HEMK2: variants seen among roughly 807,000 people sequenced by gnomAD.
HEMK2 encodes the protein HemK methyltransferase 2, ETF1 glutamine and histone H4 lysine.
chr21:28,876,611 G>T, the HEMK2 span: 2 of 579,776 alleles, frequency 3.4e-6, no homozygotes, highest in Non-Finnish European at 5.7e-6. Flanking sequence ...ACAAAACAAT[G>T]TATATCAAAT....
chr21:28,864,910 T>TTA, the HEMK2 span, among the ~76,000 whole-genome samples: 10 of 22,748 alleles, frequency 4.4e-4, no homozygotes, highest in African/African-American at 1.4e-3. Context: ...TATAGATAGA[T>TTA]GATATAGATA....
At chr21:28,738,166 T>C in the HEMK2 span, among the ~76,000 whole-genome samples, 1 of 152,240 alleles carries the variant, frequency 6.6e-6, no homozygotes. Flanking sequence ...GTATGTGTTA[T>C]TGAAGTAGCA....
At chr21:28,595,695 C>A in the HEMK2 span, among the ~76,000 whole-genome samples, 1 of 152,142 alleles carries the variant, frequency 6.6e-6, no homozygotes, top group Non-Finnish European at 1.5e-5. Flanking sequence ...ATATACCCAG[C>A]AGTGGGATTG....
At chr21:28,764,696 T>C in the HEMK2 span, among the ~76,000 whole-genome samples, 1 of 152,106 alleles carries the variant, frequency 6.6e-6, no homozygotes, top group African/African-American at 2.4e-5. Context: ...TGATAACTCC[T>C]TTTTTATAAC....
At chr21:28,839,494 C>G in the HEMK2 span, among the ~76,000 whole-genome samples, 75 of 152,182 alleles carry the variant, frequency 4.9e-4, no homozygotes, top group African/African-American at 1.7e-3. Context: ...CCAGAAAGCT[C>G]CTAGAACTGA....
At chr21:28,769,410 A>G in the HEMK2 span, among the ~76,000 whole-genome samples, 1,160 of 152,236 alleles carry the variant, frequency 7.6e-3, 8 homozygotes, top group Admixed American at 0.014. Context: ...AGATCCTACC[A>G]GAACCTTCAG....
the HEMK2 span, among the ~76,000 whole-genome samples, chr21:28,846,822 G>C: frequency 6.6e-6 from 1 of 152,028 alleles, no homozygotes; most frequent in Non-Finnish European, 1.5e-5. Context: ...AGTGTCTGTT[G>C]TTTCCATCTT....
At chr21:28,770,709 C>A in the HEMK2 span, among the ~76,000 whole-genome samples, 6 of 152,038 alleles carry the variant, frequency 3.9e-5, no homozygotes, top group African/African-American at 1.4e-4. Flanking sequence ...TCACCTTCCA[C>A]CATGAGATCA....
chr21:28,643,436 A>C, the HEMK2 span, among the ~76,000 whole-genome samples: 1 of 146,138 alleles, frequency 6.8e-6, no homozygotes, highest in Middle Eastern at 3.7e-3. Context: ...ATTGCACATC[A>C]AGAGACTGAG....
the HEMK2 span, among the ~76,000 whole-genome samples, chr21:28,690,996 G>C: frequency 6.6e-6 from 1 of 152,110 alleles, no homozygotes; most frequent in Non-Finnish European, 1.5e-5. Flanking sequence ...ACAGAGTCTT[G>C]ATCAATCTCA....
the HEMK2 span, among the ~76,000 whole-genome samples, chr21:28,594,569 TA>T: frequency 6.6e-6 from 1 of 152,220 alleles, no homozygotes; most frequent in African/African-American, 2.4e-5. Flanking sequence ...CTGCCTTTTT[TA>T]TATATGAAAT....
chr21:28,835,093 T>G, the HEMK2 span, among the ~76,000 whole-genome samples: 1 of 152,024 alleles, frequency 6.6e-6, no homozygotes, highest in Non-Finnish European at 1.5e-5. Flanking sequence ...CATATAATCT[T>G]GAGAGTTCTA....
chr21:28,822,491 A>G, the HEMK2 span, among the ~76,000 whole-genome samples: 2 of 152,196 alleles, frequency 1.3e-5, no homozygotes, highest in East Asian at 3.9e-4. Context: ...AAAATTATAG[A>G]ACATGTGTGG....
At chr21:28,747,917 G>C in the HEMK2 span, among the ~76,000 whole-genome samples, 1 of 152,224 alleles carries the variant, frequency 6.6e-6, no homozygotes, top group Non-Finnish European at 1.5e-5. Context: ...TATCTCTTAT[G>C]AGAACATCAG....
the HEMK2 span, among the ~76,000 whole-genome samples, chr21:28,744,948 A>G: frequency 6.6e-6 from 1 of 152,206 alleles, no homozygotes; most frequent in African/African-American, 2.4e-5. Context: ...TCACATGCTG[A>G]TTAATTTTAT....
the HEMK2 span, among the ~76,000 whole-genome samples, chr21:28,619,331 T>A: frequency 7.9e-5 from 12 of 152,208 alleles, no homozygotes; most frequent in Non-Finnish European, 1.8e-4. Context: ...TTGTGCCTTA[T>A]GAGAAGTTAT....
At chr21:28,585,030 T>C in the HEMK2 span, among the ~76,000 whole-genome samples, 4 of 152,150 alleles carry the variant, frequency 2.6e-5, no homozygotes, top group African/African-American at 7.2e-5. Context: ...TCACAGGACT[T>C]AGAGGTGATT....
At chr21:28,791,113 C>T in the HEMK2 span, among the ~76,000 whole-genome samples, 1 of 152,122 alleles carries the variant, frequency 6.6e-6, no homozygotes, top group Non-Finnish European at 1.5e-5. Context: ...GAGTTCCCAA[C>T]CTTGGCTGCA....
At chr21:28,750,419 C>A in the HEMK2 span, among the ~76,000 whole-genome samples, 1 of 152,090 alleles carries the variant, frequency 6.6e-6, no homozygotes, top group African/African-American at 2.4e-5. Context: ...AAAGTCTCAG[C>A]TGGGAGCGGT....
Sources: gnomAD v4.1 joint callset for allele counts (sites outside exome capture counted in the v4.1 genomes callset) on GRCh38, gnomAD v4.1.1 for gene constraint, MANE v1.5 for transcripts, NCBI Gene and HGNC (gene_info 2026-07-23, HGNC 2026-07-21) for gene names.